FSTL4: variants seen among roughly 807,000 people sequenced by gnomAD.
FSTL4 encodes the protein follistatin-related protein 4.
FSTL4 carries 28 observed loss-of-function variants against 78.2 expected under a neutral mutation model. That is an observed-to-expected ratio of 0.36 (90% confidence interval 0.27 to 0.49). The LOEUF (loss-of-function observed/expected upper bound fraction) is 0.49. FSTL4 is among the 20% of genes least tolerant of loss of function. FSTL4 has a pLI of 0.98. For missense variants in FSTL4, 922 were observed against 1,084.9 expected, an observed-to-expected ratio of 0.85 and a Z score of 2.11; for synonymous variants, 422 against 440.5, an observed-to-expected ratio of 0.96 and a Z score of 0.53.
chr5:133,370,401 C>T (rs150517387), intron 4 of FSTL4, among the ~76,000 whole-genome samples: 2 of 152,006 alleles, frequency 1.3e-5, no homozygotes, highest in African/African-American at 2.4e-5. Flanking sequence ...ATTTAAGGAG[C>T]CTCTCCCTGT....
rs537365419 is a variant in FSTL4 at position 133,218,590 on chromosome 5, T to C, written c.1459-1212A>G. Among the ~76,000 whole-genome samples the C allele has an allele frequency of 5.3e-5, 8 of 152,334 alleles. No homozygotes were observed. In the South Asian group the frequency reaches 8.3e-4, roughly 16 times the overall value. ...CTCTTACCCACCCTACTCCATGCCATGGGCGTGCTCAGCACTCCTCAATCA... is the reference window on the plus strand; with the variant it reads ...CTCTTACCCACCCTACTCCATGCCACGGGCGTGCTCAGCACTCCTCAATCA... On this transcript the variant is annotated intron_variant, in intron 12 of 15. Coordinates refer to ENST00000265342, the MANE Select transcript of FSTL4 (RefSeq NM_015082.2).
intron 6 of FSTL4, among the ~76,000 whole-genome samples, chr5:133,253,799 C>T (rs1456771577): frequency 6.6e-6 from 1 of 152,208 alleles, no homozygotes; most frequent in East Asian, 1.9e-4. Context: ...ACCCACAGAT[C>T]ACCACATAGA....
At chr5:133,776,989 G>C in the FSTL4 span, among the ~76,000 whole-genome samples, 1 of 152,216 alleles carries the variant, frequency 6.6e-6, no homozygotes, top group South Asian at 2.1e-4. Context: ...CCACCCCTAA[G>C]ATAGTACCTC....
chr5:133,701,529 G>T, the FSTL4 span, among the ~76,000 whole-genome samples: 9 of 133,628 alleles, frequency 6.7e-5, no homozygotes, highest in African/African-American at 1.1e-4. Flanking sequence ...CCAGCCTCAG[G>T]TTCCCTGAAT....
At chr5:133,657,098 G>A in the FSTL4 span, among the ~76,000 whole-genome samples, 4 of 152,198 alleles carry the variant, frequency 2.6e-5, no homozygotes, top group Non-Finnish European at 5.9e-5. Flanking sequence ...GTAAGTCTGA[G>A]ATGCCTATTA....
chr5:133,679,678 C>G, the FSTL4 span, among the ~76,000 whole-genome samples: 1 of 152,140 alleles, frequency 6.6e-6, no homozygotes, highest in Non-Finnish European at 1.5e-5. Context: ...CACAGCCAGT[C>G]ATCTATTTGC....
At chr5:133,803,592 C>G in the FSTL4 span, among the ~76,000 whole-genome samples, 1 of 152,200 alleles carries the variant, frequency 6.6e-6, no homozygotes, top group Non-Finnish European at 1.5e-5. Context: ...CACTATTCAC[C>G]CCACCCTAAG....
intron 6 of FSTL4, among the ~76,000 whole-genome samples, chr5:133,305,969 G>C (rs1753646091): frequency 6.6e-6 from 1 of 152,198 alleles, no homozygotes; most frequent in African/African-American, 2.4e-5. Context: ...GGTAGCTTCA[G>C]GGCGGACCTG....
intron 4 of FSTL4, among the ~76,000 whole-genome samples, chr5:133,365,383 C>T (rs907571455): frequency 1.3e-5 from 2 of 152,194 alleles, no homozygotes; most frequent in Admixed American, 6.5e-5. Flanking sequence ...TGGTAACAAT[C>T]TCCAGCCAAG....
the FSTL4 span, among the ~76,000 whole-genome samples, chr5:133,680,302 G>A: frequency 3.0e-4 from 46 of 152,138 alleles, no homozygotes; most frequent in African/African-American, 6.3e-4. Context: ...ACCATCCTCC[G>A]CACTCTATAG....
At chr5:133,749,296 T>G in the FSTL4 span, among the ~76,000 whole-genome samples, 1 of 152,168 alleles carries the variant, frequency 6.6e-6, no homozygotes, top group Admixed American at 6.5e-5. Context: ...TTGGAGGGAT[T>G]CAGAAAGCAT....
the FSTL4 span, among the ~76,000 whole-genome samples, chr5:133,724,906 A>G: frequency 1.5e-4 from 23 of 152,308 alleles, no homozygotes; most frequent in South Asian, 4.1e-4. Flanking sequence ...GCATGAAGTA[A>G]AAGTTGAGGT....
At chr5:133,432,033 G>T (rs1756950857) in intron 3 of FSTL4, among the ~76,000 whole-genome samples, 1 of 152,176 alleles carries the variant, frequency 6.6e-6, no homozygotes, top group Non-Finnish European at 1.5e-5. Context: ...ACCTACCTCA[G>T]TTGAGAGTTA....
chr5:133,773,715 A>T, the FSTL4 span, among the ~76,000 whole-genome samples: 2 of 152,120 alleles, frequency 1.3e-5, no homozygotes, highest in African/African-American at 4.8e-5. Context: ...CATCCTGCTC[A>T]TGCCTTTATA....
At chr5:133,298,855 G>A (rs544227140) in intron 6 of FSTL4, among the ~76,000 whole-genome samples, 1 of 126,658 alleles carries the variant, frequency 7.9e-6, no homozygotes, top group Non-Finnish European at 1.9e-5. Context: ...CGGGGCTGGA[G>A]ACCAGGAGGC....
chr5:133,663,542 A>G, the FSTL4 span, among the ~76,000 whole-genome samples: 1 of 152,264 alleles, frequency 6.6e-6, no homozygotes, highest in Non-Finnish European at 1.5e-5. Context: ...GTGCCTCTTC[A>G]CGTGCCTCAT....
the FSTL4 span, among the ~76,000 whole-genome samples, chr5:133,715,816 T>C: frequency 6.6e-6 from 1 of 152,220 alleles, no homozygotes; most frequent in African/African-American, 2.4e-5. Context: ...GAGACTCTCA[T>C]GCAGCCCACA....
the FSTL4 span, among the ~76,000 whole-genome samples, chr5:133,828,988 G>C: frequency 6.6e-6 from 1 of 152,190 alleles, no homozygotes; most frequent in Non-Finnish European, 1.5e-5. Context: ...GGGGAGCATG[G>C]AAACACACGG....
intron 3 of FSTL4, among the ~76,000 whole-genome samples, chr5:133,558,533 G>A (rs1157898638): frequency 6.6e-6 from 1 of 152,108 alleles, no homozygotes; most frequent in Non-Finnish European, 1.5e-5. Context: ...TGTCTCCATG[G>A]AGCCAGTGCC....
Sources: gnomAD v4.1 joint callset for allele counts (sites outside exome capture counted in the v4.1 genomes callset) on GRCh38, gnomAD v4.1.1 for gene constraint, MANE v1.5 for transcripts, NCBI Gene and HGNC (gene_info 2026-07-23, HGNC 2026-07-21) for gene names.